Variants in TM9SF4 observed in about 807,000 individuals in gnomAD.
The protein encoded by TM9SF4 is transmembrane 9 superfamily member 4.
A neutral mutation model predicts 90.4 loss-of-function variants in TM9SF4; 26 were observed. The ratio of observed to expected loss-of-function variants is 0.29; its 90% CI spans 0.21 to 0.40. TM9SF4 has a LOEUF of 0.40. Among genes scored for constraint, TM9SF4 ranks in the 10% least tolerant of loss-of-function variants. TM9SF4 has a pLI of 1.00. For missense variants in TM9SF4, 549 were observed against 834.8 expected (o/e 0.66, Z 4.22); for synonymous variants, 293 against 315.4 (o/e 0.93, Z 0.75).
intron 2 of TM9SF4, among the ~76,000 whole-genome samples, chr20:32,135,442 T>C (rs986884940): frequency 2.6e-5 from 4 of 152,184 alleles, no homozygotes; most frequent in African/African-American, 9.7e-5. Flanking sequence ...TCTTAGATGC[T>C]AATGGGAGAA....
intron 1 of TM9SF4, among the ~76,000 whole-genome samples, chr20:32,125,681 C>CTT (rs11470673): frequency 5.6e-4 from 61 of 108,920 alleles, no homozygotes; most frequent in Non-Finnish European, 9.2e-4. Flanking sequence ...TCTCTTTTTT[C>CTT]TTTTTTTTTT....
intron 1 of TM9SF4, among the ~76,000 whole-genome samples, chr20:32,125,681 C>CTTTTTT (rs11470673): frequency 2.4e-4 from 26 of 108,886 alleles, no homozygotes; most frequent in Non-Finnish European, 3.0e-4. Flanking sequence ...TCTCTTTTTT[C>CTTTTTT]TTTTTTTTTT....
chr20:32,127,692 G>T (rs2046443699), intron 1 of TM9SF4, among the ~76,000 whole-genome samples: 1 of 152,190 alleles, frequency 6.6e-6, no homozygotes, highest in South Asian at 2.1e-4. Context: ...GAACAAAAGT[G>T]TATTGAAGTC....
intron 1 of TM9SF4, among the ~76,000 whole-genome samples, chr20:32,126,932 C>T (rs2046431627): frequency 6.6e-6 from 1 of 152,082 alleles, no homozygotes; most frequent in Admixed American, 6.6e-5. Flanking sequence ...ACGGGGTTCA[C>T]CATGTTAGCC....
At chr20:32,153,344 T>A (rs2046870076) in intron 12 of TM9SF4, among the ~76,000 whole-genome samples, 1 of 152,192 alleles carries the variant, frequency 6.6e-6, no homozygotes, top group Non-Finnish European at 1.5e-5. Flanking sequence ...AAGATGAAAC[T>A]GGCAATGGAG....
chr20:32,124,590 C>CTTTT (rs34090214), intron 1 of TM9SF4, among the ~76,000 whole-genome samples: 1 of 145,318 alleles, frequency 6.9e-6, no homozygotes, highest in Non-Finnish European at 1.5e-5. Flanking sequence ...CTTTTAAAAA[C>CTTTT]TTTTTTTTTT....
intron 13 of TM9SF4, among the ~76,000 whole-genome samples, chr20:32,155,749 T>C (rs969957096): frequency 6.6e-6 from 1 of 152,156 alleles, no homozygotes; most frequent in Non-Finnish European, 1.5e-5. Flanking sequence ...AGGACTGCAG[T>C]TGAGATGTGG....
chr20:32,145,127 C>CT lies in TM9SF4; in HGVS notation c.690dup (p.Glu231Ter). 1 of 1,614,156 alleles carries CT rather than the reference C, an allele frequency of 6.2e-7. No individual in the cohort carries two copies. Among genetic ancestry groups the CT allele is most frequent in the Non-Finnish European group, 8.5e-7 (1 of 1,180,032 alleles). ...GATGAGAAGAGTTCGTGCACTCTGC[C>CT]TGAGGGTACCAACTCCTCGCCCCAA... On this transcript the variant is annotated frameshift_variant, in exon 7 of 18. Coordinates refer to ENST00000398022, the MANE Select transcript of TM9SF4 (RefSeq NM_014742.4). LOFTEE classifies it high-confidence loss of function.
chr20:32,111,216 G>T (rs1293734564), intron 1 of TM9SF4, among the ~76,000 whole-genome samples: 1 of 152,176 alleles, frequency 6.6e-6, no homozygotes, highest in African/African-American at 2.4e-5. Context: ...AACCACGAGT[G>T]GGGCAAATCC....
chr20:32,148,829 C>T (rs964817567), intron 9 of TM9SF4, among the ~76,000 whole-genome samples: 2 of 152,066 alleles, frequency 1.3e-5, no homozygotes, highest in East Asian at 1.9e-4. Flanking sequence ...TACCACCATG[C>T]CCAGCTAATT....
chr20:32,111,080 C>T (rs776680810), intron 1 of TM9SF4, among the ~76,000 whole-genome samples: 3 of 152,170 alleles, frequency 2.0e-5, no homozygotes, highest in African/African-American at 4.8e-5. Flanking sequence ...GCAATTTTCC[C>T]TCCTTCTCTT....
chr20:32,163,606 ATT>A (rs397866148), intron 17 of TM9SF4, among the ~76,000 whole-genome samples: 9,542 of 99,244 alleles, frequency 0.096, 604 homozygotes, highest in African/African-American at 0.27. Flanking sequence ...TGTGCTAGGA[ATT>A]TTTTTTTTTT....
chr20:32,160,949 CAAAAAA>C (rs34767421), intron 16 of TM9SF4: 27 of 41,674 alleles, frequency 6.5e-4, no homozygotes, highest in South Asian at 6.3e-3. Context: ...GACTCCATCT[CAAAAAA>C]AAAAAAAAAA....
chr20:32,165,078 CCT>C (rs1204772141), intron 17 of TM9SF4, among the ~76,000 whole-genome samples: 1 of 152,146 alleles, frequency 6.6e-6, no homozygotes, highest in Admixed American at 6.6e-5. Context: ...GGGCCTGGCC[CCT>C]GAGGCTATGA....
chr20:32,165,475 T>C lies in TM9SF4; in HGVS notation c.*31T>C. Reference sequence around the variant, plus strand: ...GTGGACCACGGCCAAGCTTGCTCCGTCCTCGGACAGGAAGCCACCCTGCGT... The same window carrying C: ...GTGGACCACGGCCAAGCTTGCTCCGCCCTCGGACAGGAAGCCACCCTGCGT... On this transcript the variant is annotated 3_prime_UTR_variant, in exon 18 of 18. Coordinates refer to ENST00000398022, the MANE Select transcript of TM9SF4 (RefSeq NM_014742.4). 6.2e-7 allele frequency: 1 copy of C among 1,608,770 alleles called. No homozygotes were observed. The highest frequency in any genetic ancestry group is 8.5e-7 in the Non-Finnish European group (1 of 1,175,586).
chr20:32,134,348 A>G (rs2046564792), intron 2 of TM9SF4, among the ~76,000 whole-genome samples: 2 of 152,162 alleles, frequency 1.3e-5, no homozygotes, highest in South Asian at 2.1e-4. Flanking sequence ...CCTGAGTGAG[A>G]ATGCTAAGAA....
intron 10 of TM9SF4, 139 bp downstream of exon 10, chr20:32,149,905 C>T: frequency 8.2e-7 from 1 of 1,214,492 alleles, no homozygotes; most frequent in Non-Finnish European, 1.1e-6. Context: ...TATCTCTGGG[C>T]CAGACAGGCC....
In TM9SF4 at chr20:32,160,102, G is replaced by C; in HGVS notation, c.1680G>C (p.Leu560=). ...GCATCGTCATGGTGTACTTCCAGCT[G>C]TGTGCAGAGGTGAGGAGAGCAGGGC... ...QISIVMVYFQ[L]CAEDYRWWWR... Residue 560 remains leucine, a synonymous_variant, in exon 16 of 18, where the codon CTG becomes CTC. Transcript: ENST00000398022. 2.5e-6 allele frequency: 4 copies of C among 1,614,206 alleles called. No individual in the cohort carries two copies. Among genetic ancestry groups the C allele is most frequent in the Non-Finnish European group, 3.4e-6 (4 of 1,180,044 alleles).
rs1401801313 is a variant in TM9SF4 at position 32,160,090 on chromosome 20, G to A, written c.1668G>A (p.Val556=). 5 of 1,614,060 alleles carry A rather than the reference G, an allele frequency of 3.1e-6. No homozygotes were observed. The highest frequency in any genetic ancestry group is 4.2e-6 in the Non-Finnish European group (5 of 1,180,036). ...GTTCACAAATCAGCATCGTCATGGT[G>A]TACTTCCAGCTGTGTGCAGAGGTGA... ...VSCSQISIVM[V]YFQLCAEDYR... is the part of the protein sequence containing the mutation. Residue 556 remains valine, a synonymous_variant, in exon 16 of 18, where the codon GTG becomes GTA. Coordinates refer to ENST00000398022, the MANE Select transcript of TM9SF4 (RefSeq NM_014742.4).
Sources: allele counts gnomAD v4.1 joint callset (sites outside exome capture counted in the v4.1 genomes callset), GRCh38; gene constraint gnomAD v4.1.1; transcripts MANE v1.5; gene names NCBI Gene and HGNC (gene_info 2026-07-23, HGNC 2026-07-21).